IGF2R: variants seen among roughly 807,000 people sequenced by gnomAD.
The protein encoded by IGF2R is cation-independent mannose-6-phosphate receptor.
In IGF2R, 91 loss-of-function variants were observed where a neutral mutation model predicts 270.6. The ratio of observed to expected loss-of-function variants is 0.34; its 90% CI spans 0.28 to 0.40. The LOEUF is 0.40. Among genes scored for constraint, IGF2R ranks in the 10% least tolerant of loss-of-function variants. The pLI is 1.00. For missense variants in IGF2R, 2,805 were observed against 3,188.3 expected, an observed-to-expected ratio of 0.88 and a Z score of 2.90; for synonymous variants, 1,316 against 1,258.9, an observed-to-expected ratio of 1.05 and a Z score of -0.96.
At chr6:160,019,165 A>G (rs1777374024) in intron 4 of IGF2R, among the ~76,000 whole-genome samples, 1 of 152,204 alleles carries the variant, frequency 6.6e-6, no homozygotes, top group African/African-American at 2.4e-5. Context: ...ACATCTGTGT[A>G]CTCACAACTG....
chr6:159,978,321 A>G (rs142814647), intron 1 of IGF2R, among the ~76,000 whole-genome samples: 1 of 151,580 alleles, frequency 6.6e-6, no homozygotes, highest in Non-Finnish European at 1.5e-5. Flanking sequence ...CCCCCAAACA[A>G]TGAGGAGCTT....
chr6:160,010,764 C>G lies in IGF2R; in HGVS notation c.492C>G (p.Asp164Glu), dbSNP rs1784321744. The G allele has an allele frequency of 1.9e-6, 3 of 1,607,248 alleles. No individual in the cohort carries two copies. Among genetic ancestry groups the G allele is most frequent in the Middle Eastern group, 1.7e-4 (1 of 6,050 alleles). The change falls in exon 4 of 48, where the codon GAC becomes GAG. Residue 164 changes from aspartate to glutamate, a missense_variant. Physicochemically the swap from Asp to Glu is conservative, Grantham distance 45. Coordinates refer to ENST00000356956, the MANE Select transcript of IGF2R (RefSeq NM_000876.4). ...EWRTTAACKK[D>E]IFKANKEVPC... ...GGACCACTGCAGCCTGCAAGAAAGA[C>G]ATATTTAAAGCAAATAAGGAGGTAA...
chr6:160,088,236 T>C, intron 42 of IGF2R, 89 bp downstream of exon 42: 1 of 875,168 alleles, frequency 1.1e-6, no homozygotes, highest in Non-Finnish European at 1.9e-6. Context: ...AGGTTTTGGC[T>C]GAGTCTTAGG....
intron 15 of IGF2R, 66 bp downstream of exon 15, chr6:160,046,711 A>AT (rs1437390541): frequency 8.4e-5 from 127 of 1,515,422 alleles, no homozygotes; most frequent in Non-Finnish European, 9.9e-5. Flanking sequence ...ATTTTCAGGA[A>AT]TAGGTGTGTT....
At chr6:160,091,381 G>T in intron 44 of IGF2R, among the ~76,000 whole-genome samples, 1 of 151,490 alleles carries the variant, frequency 6.6e-6, no homozygotes, top group Admixed American at 6.6e-5. Flanking sequence ...TGAGCGCATC[G>T]CCGAGAAGGA....
chr6:160,064,749 ATAAAC>A (rs1460927975), intron 28 of IGF2R, 50 bp from the exon 29 acceptor site: 7 of 1,310,392 alleles, frequency 5.3e-6, no homozygotes, highest in Admixed American at 1.7e-5. Context: ...AACTCAAAGT[ATAAAC>A]TAAAGTTTTG....
intron 20 of IGF2R, among the ~76,000 whole-genome samples, chr6:160,057,145 G>A (rs988229319): frequency 2.6e-5 from 4 of 152,002 alleles, no homozygotes; most frequent in African/African-American, 4.8e-5. Flanking sequence ...GTGTCTCACC[G>A]TGGCCCTGTG....
At chr6:160,047,401 T>TA (rs1778094002) in intron 16 of IGF2R, 65 bp downstream of exon 16, 3 of 1,345,300 alleles carry the variant, frequency 2.2e-6, no homozygotes, top group Non-Finnish European at 3.0e-6. Flanking sequence ...GCCTTTCATT[T>TA]AAGCAGAGCT....
intron 9 of IGF2R, among the ~76,000 whole-genome samples, 178 bp from the exon 10 acceptor site, chr6:160,034,241 A>G (rs2115234910): frequency 6.6e-6 from 1 of 152,360 alleles, no homozygotes; most frequent in Non-Finnish European, 1.5e-5. Flanking sequence ...TCAAGTCCAT[A>G]CATTTGGAAC....
intron 4 of IGF2R, among the ~76,000 whole-genome samples, chr6:160,023,281 G>A (rs1182692586): frequency 6.6e-6 from 1 of 152,112 alleles, no homozygotes; most frequent in Non-Finnish European, 1.5e-5. Flanking sequence ...GGATGTAGAC[G>A]TGAGAGAACT....
At position 160,047,719 on chromosome 6, in the gene IGF2R, T is replaced by G. The variant is rs1201080233; in HGVS notation, c.2230-73T>G. 5.2e-6 allele frequency: 5 copies of G among 961,586 alleles called. No homozygotes were observed. The Admixed American group carries it at 6.8e-5, about 13-fold the overall frequency. 59.6% of individuals were successfully genotyped at this position (961,586 alleles called of 1,614,324 possible). On this transcript the variant is annotated intron_variant, in intron 16 of 47. Transcript: ENST00000356956. Reference sequence around the variant, plus strand: ...CTCATTGGGAACATTGCTCTCGTCCTTTTTTGAATCCTGGTTTTATGTCAC... The same window carrying G: ...CTCATTGGGAACATTGCTCTCGTCCGTTTTTGAATCCTGGTTTTATGTCAC...
In IGF2R at chr6:160,078,186, T is replaced by C. The variant is rs756821246; in HGVS notation, c.5317-15T>C. On this transcript the variant is annotated splice_polypyrimidine_tract_variant and intron_variant, in intron 36 of 47. Coordinates refer to ENST00000356956, the MANE Select transcript of IGF2R (RefSeq NM_000876.4). ...GCCATGGGGTTTTTAAGACCCGTGCTCTTCCTGGCAACAGGGAACGCCTAA... is the reference window on the plus strand; with the variant it reads ...GCCATGGGGTTTTTAAGACCCGTGCCCTTCCTGGCAACAGGGAACGCCTAA... The C allele has an allele frequency of 3.1e-6, 5 of 1,613,698 alleles. No homozygotes were observed. The highest frequency in any genetic ancestry group is 3.4e-6 in the Non-Finnish European group (4 of 1,179,658).
chr6:160,029,959 G>A (rs866674932), intron 7 of IGF2R, among the ~76,000 whole-genome samples: 2 of 152,124 alleles, frequency 1.3e-5, no homozygotes, highest in Non-Finnish European at 2.9e-5. Context: ...AGTAGTTCAC[G>A]GACAGATTTT....
Position 160,108,526 on chromosome 6 carries a change from G to T in IGF2R, c.*3442G>T, listed in dbSNP as rs1779674850. On this transcript the variant is annotated 3_prime_UTR_variant, in exon 48 of 48. Transcript: ENST00000356956. ...AGCAACCAGATGGGAGGTTGGGCATGGGAGCTGTGGCTGTGCTGAGCTGAG... is the reference window on the plus strand; with the variant it reads ...AGCAACCAGATGGGAGGTTGGGCATTGGAGCTGTGGCTGTGCTGAGCTGAG... 6.6e-6 allele frequency: 1 copy of T among 152,344 alleles called. No homozygotes were observed. The highest frequency in any genetic ancestry group is 1.5e-5 in the Non-Finnish European group (1 of 68,128). 9.4% of individuals were successfully genotyped at this position (152,344 alleles called of 1,614,324 possible).
chr6:160,069,428 C>A (rs962198755), intron 30 of IGF2R, among the ~76,000 whole-genome samples: 9 of 152,154 alleles, frequency 5.9e-5, no homozygotes, highest in African/African-American at 2.2e-4. Flanking sequence ...ACCCCTGTGG[C>A]ATGGGACTAG....
intron 20 of IGF2R, among the ~76,000 whole-genome samples, chr6:160,057,570 C>T (rs1778342061): frequency 6.6e-6 from 1 of 152,140 alleles, no homozygotes; most frequent in Admixed American, 6.5e-5. Flanking sequence ...CAGAGGGAGG[C>T]CCAGGGCAAA....
chr6:160,079,866 C>A, intron 38 of IGF2R, 79 bp downstream of exon 38: 3 of 1,282,350 alleles, frequency 2.3e-6, no homozygotes, highest in Non-Finnish European at 3.2e-6. Flanking sequence ...AAAGAAGCTG[C>A]GGAGTGGAGC....
At chr6:160,013,871 A>G (rs1777207913) in intron 4 of IGF2R, among the ~76,000 whole-genome samples, 1 of 152,200 alleles carries the variant, frequency 6.6e-6, no homozygotes, top group Non-Finnish European at 1.5e-5. Context: ...TGATTTGATT[A>G]CACCTTACAG....
At chr6:160,101,863 G>C (rs1333615445) in intron 45 of IGF2R, among the ~76,000 whole-genome samples, 1 of 152,244 alleles carries the variant, frequency 6.6e-6, no homozygotes, top group East Asian at 1.9e-4. Context: ...CCACAAGTGT[G>C]CATGTGGGTC....
Sources: gnomAD v4.1 joint callset for allele counts (sites outside exome capture counted in the v4.1 genomes callset) on GRCh38, gnomAD v4.1.1 for gene constraint, MANE v1.5 for transcripts, NCBI Gene and HGNC (gene_info 2026-07-23, HGNC 2026-07-21) for gene names.